The following GRK5 variants were observed in gnomAD, a reference collection of about 807,000 sequenced individuals.
The protein encoded by GRK5 is g protein-coupled receptor kinase GRK5.
Under a neutral mutation model 78.4 loss-of-function variants are expected in GRK5, and 40 were observed. The ratio of observed to expected loss-of-function variants is 0.51; its 90% confidence interval spans 0.40 to 0.66. The LOEUF is 0.66. Among genes scored for constraint, GRK5 ranks in the 30% least tolerant of loss-of-function variants. GRK5 has a pLI of 0.00. For missense variants in GRK5, 598 were observed against 759.9 expected, an observed-to-expected ratio of 0.79 and a Z score of 2.50; for synonymous variants, 289 against 296.8, an observed-to-expected ratio of 0.97 and a Z score of 0.27.
chr10:119,398,203 G>C (rs1038737358), intron 4 of GRK5, among the ~76,000 whole-genome samples: 1 of 152,146 alleles, frequency 6.6e-6, no homozygotes, highest in African/African-American at 2.4e-5. Context: ...AGTCGCAGCC[G>C]ATGTCATATT....
Position 119,238,466 on chromosome 10 carries a change from C to T in GRK5, c.52+30497C>T, listed in dbSNP as rs567297008. ...GCCTTCTTTGTTCTGATACTACACACCCCACCCCTCAACCGCCTGAGAAAT... is the reference window on the plus strand; with the variant it reads ...GCCTTCTTTGTTCTGATACTACACATCCCACCCCTCAACCGCCTGAGAAAT... On this transcript the variant is annotated intron_variant, in intron 1 of 15. Transcript: ENST00000392870. This position sits in a 1 kb window ranked among gnomAD's most constrained non-coding sequence, Gnocchi z 4.7. Among the ~76,000 whole-genome samples, 3 of 152,244 alleles carry T rather than the reference C, an allele frequency of 2.0e-5. No individual in the cohort carries two copies. In the East Asian group the frequency reaches 5.8e-4, roughly 29 times the overall value.
intron 1 of GRK5, among the ~76,000 whole-genome samples, chr10:119,289,911 A>G (rs949496038): frequency 3.9e-5 from 6 of 152,332 alleles, no homozygotes; most frequent in East Asian, 1.9e-4. Flanking sequence ...TTTTAAATGT[A>G]TAGTATTTAA....
rs1041939964 is a variant in GRK5 at position 119,253,529 on chromosome 10, G to C, written c.52+45560G>C. Among the ~76,000 whole-genome samples the C allele has an allele frequency of 9.2e-5, 14 of 152,288 alleles. No homozygotes were observed. In the East Asian group the frequency reaches 2.7e-3, roughly 29 times the overall value. On this transcript the variant is annotated intron_variant, in intron 1 of 15. Coordinates refer to ENST00000392870, the MANE Select transcript of GRK5 (RefSeq NM_005308.3). This position sits in a 1 kb window ranked among gnomAD's most constrained non-coding sequence, Gnocchi z 5.7. The stretch of plus-strand genomic sequence containing the variant: ...CCTGGGTCTAAGCCCTGGAGCTTAG[G>C]GTGCTGTGATATGCTTGCGGGATGC...
At chr10:119,429,766 C>G (rs979965150) in intron 6 of GRK5, among the ~76,000 whole-genome samples, 2 of 152,016 alleles carry the variant, frequency 1.3e-5, no homozygotes, top group Non-Finnish European at 2.9e-5. Context: ...GGTTGGGAAC[C>G]AATGGTAAAG....
intron 1 of GRK5, among the ~76,000 whole-genome samples, chr10:119,239,184 A>C (rs1413657158): frequency 6.6e-6 from 1 of 152,018 alleles, no homozygotes; most frequent in Non-Finnish European, 1.5e-5. Context: ...TCGGGATAAC[A>C]AGAGCTTGAA....
chr10:119,408,742 T>C (rs1269778892), intron 4 of GRK5, among the ~76,000 whole-genome samples: 2 of 152,040 alleles, frequency 1.3e-5, no homozygotes, highest in African/African-American at 4.8e-5. Context: ...AGAGTGTCTG[T>C]TGGGATGATA....
chr10:119,285,236 G>A (rs936317343), intron 1 of GRK5, among the ~76,000 whole-genome samples: 6 of 152,174 alleles, frequency 3.9e-5, no homozygotes, highest in African/African-American at 1.4e-4. Context: ...GAGGTAGGGG[G>A]AGCACTAAGG....
chr10:119,375,724 G>T (rs938089377), intron 2 of GRK5, among the ~76,000 whole-genome samples: 1 of 152,216 alleles, frequency 6.6e-6, no homozygotes. Flanking sequence ...TGGCAATCCC[G>T]CCTTCCCAGG....
chr10:119,365,768 C>G (rs1336227653), intron 2 of GRK5, among the ~76,000 whole-genome samples: 1 of 152,188 alleles, frequency 6.6e-6, no homozygotes, highest in Non-Finnish European at 1.5e-5. Flanking sequence ...CTCAACACAC[C>G]CTTTCTTAGG....
chr10:119,385,620 G>A (rs1851781568), intron 3 of GRK5, among the ~76,000 whole-genome samples: 1 of 152,218 alleles, frequency 6.6e-6, no homozygotes, highest in Non-Finnish European at 1.5e-5. Flanking sequence ...TGTGTGGAAG[G>A]TGTATTCTCT....
chr10:119,443,808 C>G (rs935671888), intron 12 of GRK5, 56 bp downstream of exon 12: 4 of 1,446,408 alleles, frequency 2.8e-6, no homozygotes, highest in Non-Finnish European at 3.8e-6. Flanking sequence ...CTCCCTGGGC[C>G]TGGCCCCAGT....
At chr10:119,269,575 A>G (rs1281693448) in intron 1 of GRK5, among the ~76,000 whole-genome samples, 1 of 152,052 alleles carries the variant, frequency 6.6e-6, no homozygotes, top group Non-Finnish European at 1.5e-5. Flanking sequence ...TCACGCCTGT[A>G]ATCTTAGCAC....
intron 2 of GRK5, among the ~76,000 whole-genome samples, chr10:119,349,021 C>T (rs1010547709): frequency 3.3e-5 from 5 of 152,144 alleles, no homozygotes; most frequent in Admixed American, 3.3e-4. Flanking sequence ...GGCAATCTTC[C>T]GTCACCCTCC....
intron 1 of GRK5, among the ~76,000 whole-genome samples, chr10:119,313,124 G>GGTGGT (rs1850410519): frequency 6.9e-6 from 1 of 145,518 alleles, no homozygotes; most frequent in Non-Finnish European, 1.5e-5. Context: ...TGGTGATGGT[G>GGTGGT]ATGATGGTAA....
At chr10:119,391,870 T>C (rs993549492) in intron 3 of GRK5, among the ~76,000 whole-genome samples, 1 of 152,178 alleles carries the variant, frequency 6.6e-6, no homozygotes, top group African/African-American at 2.4e-5. Context: ...ACCACATCAA[T>C]AATTACAGAA....
chr10:119,335,164 CT>C (rs1564895362), intron 2 of GRK5, among the ~76,000 whole-genome samples: 1 of 143,372 alleles, frequency 7.0e-6, no homozygotes, highest in African/African-American at 2.8e-5. Flanking sequence ...CTCTCTCTCT[CT>C]CTCTCTCTCT....
At chr10:119,373,173 A>C (rs1851572759) in intron 2 of GRK5, among the ~76,000 whole-genome samples, 1 of 152,242 alleles carries the variant, frequency 6.6e-6, no homozygotes, top group Admixed American at 6.5e-5. Flanking sequence ...TGGATTGGAA[A>C]TTTAAAAAAC....
chr10:119,384,768 G>A (rs1307553274), intron 3 of GRK5, among the ~76,000 whole-genome samples: 1 of 152,146 alleles, frequency 6.6e-6, no homozygotes, highest in Non-Finnish European at 1.5e-5. Context: ...GCAGAGGTAG[G>A]CCCAGAACCC....
chr10:119,403,274 C>T (rs1852181330), intron 4 of GRK5, among the ~76,000 whole-genome samples: 1 of 152,090 alleles, frequency 6.6e-6, no homozygotes, highest in Non-Finnish European at 1.5e-5. Context: ...TCACGCCATT[C>T]TCCTGCCTCA....
Sources: allele counts gnomAD v4.1 joint callset (sites outside exome capture counted in the v4.1 genomes callset), GRCh38; gene constraint gnomAD v4.1.1; non-coding constraint Gnocchi (gnomAD v3.1); transcripts MANE v1.5; gene names NCBI Gene and HGNC (gene_info 2026-07-23, HGNC 2026-07-21).